Variants in ZFHX3 observed in about 807,000 individuals in gnomAD.
ZFHX3 encodes zinc finger homeobox 3, also known as zinc finger homeobox protein 3.
ZFHX3 carries 42 observed loss-of-function variants against 279.1 expected under a neutral mutation model. The ratio of observed to expected loss-of-function variants is 0.15; its 90% CI spans 0.12 to 0.19. The LOEUF is 0.19. Among genes scored for constraint, ZFHX3 ranks in the 10% least tolerant of loss-of-function variants. The pLI, the probability that ZFHX3 is intolerant of heterozygous loss-of-function variation, is 1.00. For synonymous variants in ZFHX3, 2,293 were observed against 1,957.8 expected (o/e 1.17, Z -4.52); for missense variants, 4,981 against 4,754.0 (o/e 1.05, Z -1.40).
chr16:73,680,856 GC>G (rs1406481143), intron 1 of ZFHX3, among the ~76,000 whole-genome samples: 1 of 152,170 alleles, frequency 6.6e-6, no homozygotes, highest in Non-Finnish European at 1.5e-5. Context: ...TGGGGTAAGT[GC>G]CTTAGATATT....
rs1567550617 is a variant in ZFHX3, at chr16:73,682,918, G to GAAAGAA, written c.-1607-2679_-1607-2678insTTCTTT. ...AGAAAGAAAGAAAGAGAAAGAAAGA[G>GAAAGAA]AGAAAGAGAAAGAAAGAAAGAAAGA... is the stretch of plus-strand genomic sequence containing the variant. On this transcript the variant is annotated intron_variant, in intron 1 of 17. Transcript: ENST00000641206. Among the ~76,000 whole-genome samples, 27 of 39,370 alleles carry GAAAGAA rather than the reference G, an allele frequency of 6.9e-4. 1 individual carries two copies. Among genetic ancestry groups the GAAAGAA allele is most frequent in the African/African-American group, 2.1e-3 (26 of 12,110 alleles). The allele number at this position is 39,370 out of a possible 152,430, so 25.8% of individuals were successfully genotyped here.
At position 73,780,111 on chromosome 16, in the gene ZFHX3, A is replaced by ATTTTTTTT. The variant is rs762134796; in HGVS notation, c.-1607-99879_-1607-99872dup. Among the ~76,000 whole-genome samples, 65 of 33,214 alleles carry ATTTTTTTT rather than the reference A, an allele frequency of 2.0e-3. 31 individuals carry two copies. The highest frequency in any genetic ancestry group is 5.9e-3 in the East Asian group (6 of 1,012). The allele number at this position is 33,214 out of a possible 152,430, so 21.8% of individuals were successfully genotyped here. ...AACCAGCAAAACTCACTGCATTTGA[A>ATTTTTTTT]TTTTTTTTTTTTTTTTTTTTTTTTT... On this transcript the variant is annotated intron_variant, in intron 1 of 17. Transcript: ENST00000641206.
At position 72,796,754 on chromosome 16, in the gene ZFHX3, C is replaced by G. The variant is rs757597047; in HGVS notation, c.5928G>C (p.Gln1976His). Residue 1976 changes from glutamine (Q) to histidine (H), a missense_variant, in exon 9 of 10, where the codon CAG (glutamine) becomes CAC (histidine). By Grantham distance (24) the Gln-to-His change is conservative. Coordinates refer to ENST00000268489, the MANE Select transcript of ZFHX3 (RefSeq NM_006885.4). ...ACTCGAGCTTTTCCAGGTTCTCTCC[C>G]TGGTCAGTCTTCCCATTCTTTTTCT... The part of the protein sequence containing the change: ...KVQKKNGKTD[Q>H]GENLEKLECD... 6.2e-7 allele frequency: 1 copy of G among 1,613,796 alleles called. No homozygotes were observed. The highest frequency in any genetic ancestry group is 1.1e-5 in the South Asian group (1 of 91,046).
intron 3 of ZFHX3, among the ~76,000 whole-genome samples, chr16:73,451,501 A>G (rs1354516322): frequency 6.6e-6 from 1 of 152,238 alleles, no homozygotes; most frequent in African/African-American, 2.4e-5. Flanking sequence ...AACATTGATA[A>G]GCATCCTTAT....
At chr16:73,831,293 G>A (rs1331191626) in intron 1 of ZFHX3, among the ~76,000 whole-genome samples, 3 of 152,128 alleles carry the variant, frequency 2.0e-5, no homozygotes, top group Non-Finnish European at 2.9e-5. Context: ...TGGTACTAAC[G>A]TCCGGAAGCA....
chr16:73,416,116 C>G lies in ZFHX3; in HGVS notation c.-1291+39887G>C, dbSNP rs1219219051. ...CAGCCTGGACAACAAGAGCAAGACTCCATCTCAAAAAAAAAAAAAAAACAA... is the reference window on the plus strand; with the variant it reads ...CAGCCTGGACAACAAGAGCAAGACTGCATCTCAAAAAAAAAAAAAAAACAA... On this transcript the variant is annotated intron_variant, in intron 3 of 17. Coordinates refer to the ZFHX3 transcript ENST00000641206. Among the ~76,000 whole-genome samples the G allele has an allele frequency of 5.3e-5, 7 of 131,544 alleles. No individual in the cohort carries two copies. The East Asian group carries it at 1.3e-3, about 25-fold the overall frequency. 86.3% of individuals were successfully genotyped at this position (131,544 alleles called of 152,430 possible). A position where few individuals can be genotyped will look rare whatever the true frequency, so the allele number is the denominator to read the frequency against.
At chr16:72,841,117 A>G (rs1005050035) in intron 4 of ZFHX3, among the ~76,000 whole-genome samples, 6 of 152,338 alleles carry the variant, frequency 3.9e-5, no homozygotes, top group Non-Finnish European at 8.8e-5. Context: ...TCAGGTGCCT[A>G]CCACGAGTTC....
chr16:73,275,678 A>G (rs1277874948), intron 4 of ZFHX3, among the ~76,000 whole-genome samples: 2 of 152,224 alleles, frequency 1.3e-5, no homozygotes, highest in Non-Finnish European at 2.9e-5. Flanking sequence ...TGAGTGTGCC[A>G]TAGCATTATG....
chr16:73,330,497 T>A (rs1209310686), intron 3 of ZFHX3, among the ~76,000 whole-genome samples: 1 of 152,242 alleles, frequency 6.6e-6, no homozygotes, highest in Non-Finnish European at 1.5e-5. Context: ...ACATGGGGAA[T>A]GCAATAGGGG....
chr16:73,432,089 C>T (rs551218177), intron 3 of ZFHX3, among the ~76,000 whole-genome samples: 9 of 152,250 alleles, frequency 5.9e-5, no homozygotes, highest in South Asian at 2.1e-4. Flanking sequence ...AATCCGTCTC[C>T]GCCTAGGTAT....
At chr16:73,329,138 G>A (rs1352793926) in intron 3 of ZFHX3, among the ~76,000 whole-genome samples, 2 of 152,204 alleles carry the variant, frequency 1.3e-5, no homozygotes, top group African/African-American at 4.8e-5. Context: ...CTTTCCAAAG[G>A]GAAGAAGAGT....
intron 2 of ZFHX3, among the ~76,000 whole-genome samples, chr16:73,484,196 A>G (rs1038975327): frequency 2.6e-5 from 4 of 152,066 alleles, no homozygotes; most frequent in East Asian, 1.9e-4. Flanking sequence ...TGACGTCTCA[A>G]AGAAAACGCT....
chr16:73,739,299 C>T (rs1340724921), intron 1 of ZFHX3, among the ~76,000 whole-genome samples: 1 of 152,196 alleles, frequency 6.6e-6, no homozygotes, highest in Non-Finnish European at 1.5e-5. Context: ...ATGATCTCAT[C>T]TTTTGTTAGA....
intron 4 of ZFHX3, among the ~76,000 whole-genome samples, chr16:72,875,688 C>T (rs1282753546): frequency 6.6e-6 from 1 of 152,220 alleles, no homozygotes; most frequent in East Asian, 1.9e-4. Flanking sequence ...ACTGAACTGC[C>T]ACGTTAAGTC....
At chr16:73,605,820 T>TTA (rs1275681417) in intron 2 of ZFHX3, among the ~76,000 whole-genome samples, 1 of 152,038 alleles carries the variant, frequency 6.6e-6, no homozygotes, top group African/African-American at 2.4e-5. Flanking sequence ...ATATGGGTAC[T>TTA]TATCAAACCA....
intron 5 of ZFHX3, among the ~76,000 whole-genome samples, chr16:73,159,089 T>C (rs1967165825): frequency 6.6e-6 from 1 of 152,132 alleles, no homozygotes; most frequent in Non-Finnish European, 1.5e-5. Flanking sequence ...GAGATCTAAT[T>C]GAACTAAAGA....
intron 1 of ZFHX3, among the ~76,000 whole-genome samples, chr16:73,871,494 A>G (rs527897407): frequency 3.3e-4 from 49 of 149,634 alleles, no homozygotes; most frequent in African/African-American, 9.5e-4. Context: ...TAAAAAAAAA[A>G]AGAGAGAGAG....
intron 3 of ZFHX3, among the ~76,000 whole-genome samples, chr16:72,925,926 T>C (rs1377455580): frequency 6.6e-6 from 1 of 152,188 alleles, no homozygotes; most frequent in Non-Finnish European, 1.5e-5. Context: ...GTCAGTTTCT[T>C]GAAAGGGCCC....
intron 5 of ZFHX3, among the ~76,000 whole-genome samples, chr16:73,223,035 C>T (rs1429343116): frequency 2.0e-5 from 3 of 151,998 alleles, no homozygotes; most frequent in Non-Finnish European, 4.4e-5. Context: ...TGAATCTAGG[C>T]ATAAACCTCC....
Sources: gnomAD v4.1 joint callset for allele counts (sites outside exome capture counted in the v4.1 genomes callset) on GRCh38, gnomAD v4.1.1 for gene constraint, MANE v1.5 for transcripts, NCBI Gene and HGNC (gene_info 2026-07-23, HGNC 2026-07-21) for gene names.